Variants in TMEM132B observed in about 807,000 individuals in gnomAD.
TMEM132B encodes transmembrane protein 132B.
In TMEM132B, 18 loss-of-function variants were observed where a neutral mutation model predicts 90.8. That is an observed-to-expected ratio of 0.20 (90% CI 0.14 to 0.29). The LOEUF is 0.29. Among genes scored for constraint, TMEM132B ranks in the 10% least tolerant of loss-of-function variants. The probability of loss-of-function intolerance (pLI) is 1.00; values close to 1 mark genes in which losing one functional copy is unlikely to be tolerated. For missense variants in TMEM132B, 1,096 were observed against 1,326.8 expected, an observed-to-expected ratio of 0.83 and a Z score of 2.70; for synonymous variants, 504 against 523.3, an observed-to-expected ratio of 0.96 and a Z score of 0.50.
At chr12:125,496,157 T>A (rs113711494) in intron 3 of TMEM132B, among the ~76,000 whole-genome samples, 4,663 of 152,216 alleles carry the variant, frequency 0.031, 136 homozygotes, top group African/African-American at 0.076. Context: ...AAACTGGAAA[T>A]TAGCCTCCCT....
intron 1 of TMEM132B, among the ~76,000 whole-genome samples, chr12:125,310,795 G>A (rs1876105415): frequency 6.6e-6 from 1 of 152,218 alleles, no homozygotes. Context: ...TACATTTAGA[G>A]GCTTTGGGAG....
intron 3 of TMEM132B, among the ~76,000 whole-genome samples, chr12:125,444,973 A>C (rs1323435916): frequency 6.6e-6 from 1 of 152,140 alleles, no homozygotes; most frequent in African/African-American, 2.4e-5. Context: ...AAATCCCCTT[A>C]ACATATATCC....
chr12:125,390,437 C>T (rs1878975511), intron 2 of TMEM132B, among the ~76,000 whole-genome samples: 1 of 152,194 alleles, frequency 6.6e-6, no homozygotes, highest in African/African-American at 2.4e-5. Flanking sequence ...AAAACCTTTT[C>T]ATTTGTAGTG....
Position 125,213,233 on chromosome 12 carries a change from T to C in TMEM132B, c.67+26367T>C, listed in dbSNP as rs977653847. The stretch of plus-strand genomic sequence containing the variant: ...CAGTGGTTTTAAGGTTCATCCACGT[T>C]GTAGCCTGTGTCAGTGCTATGCTCC... On this transcript the variant is annotated intron_variant, in intron 1 of 8. Coordinates refer to ENST00000682704, the MANE Select transcript of TMEM132B (RefSeq NM_001366854.1). This position sits in a 1 kb window ranked among gnomAD's most constrained non-coding sequence, Gnocchi z 4.2. Among the ~76,000 whole-genome samples, 2 of 152,262 alleles carry C rather than the reference T, an allele frequency of 1.3e-5. No individual in the cohort carries two copies. The highest frequency in any genetic ancestry group is 4.8e-5 in the African/African-American group (2 of 41,474).
intron 1 of TMEM132B, among the ~76,000 whole-genome samples, chr12:125,218,785 T>TTTA (rs1873497717): frequency 1.3e-5 from 2 of 150,798 alleles, no homozygotes; most frequent in South Asian, 2.1e-4. Flanking sequence ...TTTTTTTTTT[T>TTTA]TTTTTATTGG....
At chr12:125,547,886 C>T (rs533517227) in intron 4 of TMEM132B, among the ~76,000 whole-genome samples, 91 of 152,348 alleles carry the variant, frequency 6.0e-4, no homozygotes, top group African/African-American at 2.1e-3. Flanking sequence ...GCCCCATGTG[C>T]AGCCCCGAGT....
chr12:125,584,408 T>C lies in TMEM132B; in HGVS notation c.1437+414T>C, dbSNP rs746263899. On this transcript the variant is annotated intron_variant, in intron 5 of 8. Transcript: ENST00000682704. ...AATATATTTTCTTTAAATGCCTTGCTTCTTTCGGGTAGCCAGTTAGCTCAG... is the reference window on the plus strand; with the variant it reads ...AATATATTTTCTTTAAATGCCTTGCCTCTTTCGGGTAGCCAGTTAGCTCAG... 1.6e-4 allele frequency: 29 copies of C among 178,180 alleles called. 1 individual carries two copies. The highest frequency in any genetic ancestry group is 8.9e-4 in the Admixed American group (16 of 18,070). The allele number at this position is 178,180 out of a possible 1,614,324, so 11.0% of individuals were successfully genotyped here. A position where few individuals can be genotyped will look rare whatever the true frequency, so the allele number is the denominator to read the frequency against.
chr12:125,503,187 C>T (rs940693226), intron 3 of TMEM132B, among the ~76,000 whole-genome samples: 2 of 152,196 alleles, frequency 1.3e-5, no homozygotes, highest in Non-Finnish European at 2.9e-5. Context: ...AGGATTTACT[C>T]TTCGCTTAGT....
chr12:125,636,630 G>C (rs1159967074), intron 5 of TMEM132B, among the ~76,000 whole-genome samples: 2 of 152,138 alleles, frequency 1.3e-5, no homozygotes, highest in African/African-American at 4.8e-5. Flanking sequence ...AGAGCTTTCT[G>C]TTTCCTTCCC....
intron 5 of TMEM132B, among the ~76,000 whole-genome samples, chr12:125,636,121 C>T (rs1401554535): frequency 2.0e-5 from 3 of 152,140 alleles, no homozygotes; most frequent in East Asian, 1.9e-4. Context: ...GTTAGTGCTC[C>T]CCTGAGTTTT....
intron 3 of TMEM132B, among the ~76,000 whole-genome samples, chr12:125,518,177 T>G (rs553524400): frequency 7.2e-5 from 11 of 152,296 alleles, no homozygotes; most frequent in Admixed American, 6.5e-4. Flanking sequence ...TATTCCAGTG[T>G]TCCTCTGATA....
At chr12:125,494,579 T>C (rs1882476135) in intron 3 of TMEM132B, among the ~76,000 whole-genome samples, 2 of 76,210 alleles carry the variant, frequency 2.6e-5, no homozygotes, top group African/African-American at 5.3e-5. Flanking sequence ...AATGGATGCG[T>C]CCCTCCTCCC....
At chr12:125,462,506 GGTTAGAGT>G (rs1881464031) in intron 3 of TMEM132B, among the ~76,000 whole-genome samples, 1 of 152,090 alleles carries the variant, frequency 6.6e-6, no homozygotes, top group South Asian at 2.1e-4. Context: ...AATATTAGGA[GGTTAGAGT>G]GTGTAAAACA....
At chr12:125,479,796 A>G (rs183282576) in intron 3 of TMEM132B, among the ~76,000 whole-genome samples, 44 of 152,372 alleles carry the variant, frequency 2.9e-4, no homozygotes, top group Non-Finnish European at 5.7e-4. Context: ...CCAAATCAAC[A>G]GAATATACAT....
At chr12:125,316,774 G>T (rs953422821) in intron 1 of TMEM132B, among the ~76,000 whole-genome samples, 1 of 152,156 alleles carries the variant, frequency 6.6e-6, no homozygotes, top group Non-Finnish European at 1.5e-5. Flanking sequence ...TAAGCGAGGG[G>T]GACAGAGCAG....
intron 3 of TMEM132B, among the ~76,000 whole-genome samples, chr12:125,441,347 T>C (rs1382035253): frequency 6.6e-6 from 1 of 152,180 alleles, no homozygotes; most frequent in Non-Finnish European, 1.5e-5. Flanking sequence ...ATATGATTAA[T>C]ATGCAAACAA....
chr12:125,386,586 T>C (rs1235267738), intron 2 of TMEM132B, among the ~76,000 whole-genome samples: 1 of 152,222 alleles, frequency 6.6e-6, no homozygotes, highest in African/African-American at 2.4e-5. Context: ...CTTGTTCGTT[T>C]GTTACAGTTT....
At chr12:125,464,503 A>AT (rs994827976) in intron 3 of TMEM132B, among the ~76,000 whole-genome samples, 1 of 152,146 alleles carries the variant, frequency 6.6e-6, no homozygotes, top group Non-Finnish European at 1.5e-5. Context: ...TTCTTAGCAA[A>AT]TGTCCTTGAT....
chr12:125,239,769 G>A (rs912304565), intron 1 of TMEM132B, among the ~76,000 whole-genome samples: 2 of 152,204 alleles, frequency 1.3e-5, no homozygotes, highest in African/African-American at 4.8e-5. Flanking sequence ...CCCGGCTTTC[G>A]CGAGATGGTG....
Sources: allele counts gnomAD v4.1 joint callset (sites outside exome capture counted in the v4.1 genomes callset), GRCh38; gene constraint gnomAD v4.1.1; non-coding constraint Gnocchi (gnomAD v3.1); transcripts MANE v1.5; gene names NCBI Gene and HGNC (gene_info 2026-07-23, HGNC 2026-07-21).